CNTNAP2: variants seen among roughly 807,000 people sequenced by gnomAD.
CNTNAP2 encodes contactin-associated protein-like 2.
Under a neutral mutation model 155.2 loss-of-function variants are expected in CNTNAP2, and 98 were observed. The ratio of observed to expected loss-of-function variants is 0.63; its 90% confidence interval spans 0.54 to 0.75. CNTNAP2 has a LOEUF of 0.75. Ranked by LOEUF, CNTNAP2 falls within the 30% of genes least tolerant of loss-of-function variation. The probability of loss-of-function intolerance (pLI) is 0.00; values close to 1 mark genes in which losing one functional copy is unlikely to be tolerated. For missense variants in CNTNAP2, 1,727 were observed against 1,688.1 expected (o/e 1.02, Z -0.40); for synonymous variants, 651 against 631.2 (o/e 1.03, Z -0.47).
At chr7:147,968,176 A>G (rs982652861) in intron 14 of CNTNAP2, among the ~76,000 whole-genome samples, 5 of 152,232 alleles carry the variant, frequency 3.3e-5, no homozygotes, top group African/African-American at 1.2e-4. Flanking sequence ...GCCCTCAGGG[A>G]ACTTGCTTTC....
At chr7:147,130,840 G>A (rs1383678295) in intron 7 of CNTNAP2, among the ~76,000 whole-genome samples, 1 of 151,990 alleles carries the variant, frequency 6.6e-6, no homozygotes, top group Admixed American at 6.6e-5. Context: ...CCTCAAAAGA[G>A]GTATGTGGTC....
chr7:147,858,016 G>A (rs117335671), intron 13 of CNTNAP2, among the ~76,000 whole-genome samples: 1 of 152,146 alleles, frequency 6.6e-6, no homozygotes, highest in Non-Finnish European at 1.5e-5. Context: ...ACTCATTTCA[G>A]ACCCAAGTAT....
In CNTNAP2 at chr7:146,516,372, C is replaced by G. The variant is rs377465858; in HGVS notation, c.98-257899C>G. On this transcript the variant is annotated intron_variant, in intron 1 of 23. Transcript: ENST00000361727. ...AGAATATAACTCTAGAAATTGGCAGCTATTTTAATGCTTCCAATGGTCTGT... is the reference window on the plus strand; with the variant it reads ...AGAATATAACTCTAGAAATTGGCAGGTATTTTAATGCTTCCAATGGTCTGT... 7.2e-5 allele frequency among the ~76,000 whole-genome samples: 11 copies of G among 151,870 alleles called. No homozygotes were observed. The East Asian group carries it at 2.1e-3, about 29-fold the overall frequency.
intron 1 of CNTNAP2, among the ~76,000 whole-genome samples, chr7:146,180,555 A>T (rs1054896069): frequency 6.6e-6 from 1 of 152,064 alleles, no homozygotes; most frequent in Non-Finnish European, 1.5e-5. Context: ...TTTTTAACCT[A>T]GTATATTAAA....
chr7:147,581,158 A>G (rs1260459695), intron 12 of CNTNAP2, among the ~76,000 whole-genome samples: 1 of 152,192 alleles, frequency 6.6e-6, no homozygotes, highest in Non-Finnish European at 1.5e-5. Context: ...AGTGGAAACT[A>G]GCTTTGTGTG....
chr7:148,387,540 T>TCCTCAACAAGTAGCG (rs1799240282), intron 22 of CNTNAP2, among the ~76,000 whole-genome samples: 2 of 151,868 alleles, frequency 1.3e-5, no homozygotes, highest in African/African-American at 4.8e-5. Flanking sequence ...TGGAAGTTTA[T>TCCTCAACAAGTAGCG]TCCTCAACAA....
chr7:146,946,664 A>G (rs1797182347), intron 3 of CNTNAP2, among the ~76,000 whole-genome samples: 1 of 152,162 alleles, frequency 6.6e-6, no homozygotes, highest in Non-Finnish European at 1.5e-5. Flanking sequence ...ACTAGGCTCA[A>G]ACACATCTTT....
chr7:146,159,390 A>G (rs1421600036), intron 1 of CNTNAP2, among the ~76,000 whole-genome samples: 1 of 152,196 alleles, frequency 6.6e-6, no homozygotes, highest in African/African-American at 2.4e-5. Flanking sequence ...ACACATAACA[A>G]TATTAACCTT....
intron 3 of CNTNAP2, among the ~76,000 whole-genome samples, chr7:147,039,703 C>T: frequency 6.6e-6 from 1 of 150,672 alleles, no homozygotes; most frequent in East Asian, 2.1e-4. Flanking sequence ...AATGGGATTG[C>T]TGGGTCAAAT....
chr7:147,076,768 G>A (rs1800008484), intron 4 of CNTNAP2, among the ~76,000 whole-genome samples: 1 of 152,260 alleles, frequency 6.6e-6, no homozygotes, highest in South Asian at 2.1e-4. Context: ...CAATGTTTAA[G>A]CTGTTTATAT....
chr7:148,286,868 C>T (rs971757986), intron 21 of CNTNAP2, among the ~76,000 whole-genome samples: 1 of 152,204 alleles, frequency 6.6e-6, no homozygotes, highest in African/African-American at 2.4e-5. Flanking sequence ...CCCCTCCCCA[C>T]GTTATACATA....
chr7:147,971,782 A>G (rs898928780), intron 14 of CNTNAP2, among the ~76,000 whole-genome samples: 6 of 152,196 alleles, frequency 3.9e-5, no homozygotes, highest in Non-Finnish European at 7.4e-5. Context: ...GTGTGAACAT[A>G]TGCTTTCATG....
intron 1 of CNTNAP2, among the ~76,000 whole-genome samples, chr7:146,772,365 A>G (rs1303016454): frequency 1.3e-5 from 2 of 151,932 alleles, no homozygotes; most frequent in African/African-American, 4.8e-5. Context: ...TTGTTTTTAA[A>G]GGAAGAGGAG....
intron 21 of CNTNAP2, among the ~76,000 whole-genome samples, chr7:148,304,862 G>C (rs1422906489): frequency 1.3e-5 from 2 of 151,978 alleles, no homozygotes; most frequent in African/African-American, 2.4e-5. Flanking sequence ...TACTGGCTTT[G>C]GATAGATCCG....
At chr7:146,575,731 A>G (rs1478933760) in intron 1 of CNTNAP2, among the ~76,000 whole-genome samples, 5 of 152,198 alleles carry the variant, frequency 3.3e-5, no homozygotes, top group Non-Finnish European at 7.3e-5. Flanking sequence ...TTTATTACCA[A>G]TGTCTCTAAG....
intron 13 of CNTNAP2, among the ~76,000 whole-genome samples, chr7:147,890,785 T>G (rs936449106): frequency 6.6e-6 from 1 of 152,050 alleles, no homozygotes; most frequent in Non-Finnish European, 1.5e-5. Context: ...TGAATGGTGG[T>G]TACCAGAGGC....
chr7:147,004,105 T>C (rs1464507567), intron 3 of CNTNAP2, among the ~76,000 whole-genome samples: 1 of 151,458 alleles, frequency 6.6e-6, no homozygotes, highest in Non-Finnish European at 1.5e-5. Flanking sequence ...AATAAGAATA[T>C]ATTTCCATGA....
intron 1 of CNTNAP2, among the ~76,000 whole-genome samples, chr7:146,501,861 A>C (rs1404594376): frequency 6.6e-6 from 1 of 152,128 alleles, no homozygotes; most frequent in Non-Finnish European, 1.5e-5. Flanking sequence ...CAAGGGTAGA[A>C]GGGAAGGCCA....
intron 13 of CNTNAP2, chr7:147,672,909 G>A (rs1320645534): frequency 2.0e-5 from 3 of 152,114 alleles, no homozygotes; most frequent in Non-Finnish European, 4.4e-5. Flanking sequence ...GATACCCAAA[G>A]CCAAGTTTGA....
Sources: allele counts gnomAD v4.1 joint callset (sites outside exome capture counted in the v4.1 genomes callset), GRCh38; gene constraint gnomAD v4.1.1; transcripts MANE v1.5; gene names NCBI Gene and HGNC (gene_info 2026-07-23, HGNC 2026-07-21).